Variants in MRPS14 observed in about 807,000 individuals in gnomAD.
The protein encoded by MRPS14 is small ribosomal subunit protein uS14m.
Under a neutral mutation model 16.4 loss-of-function variants are expected in MRPS14, and 14 were observed. The observed-to-expected ratio is 0.85, with a 90% CI of 0.56 to 1.33. MRPS14 has a LOEUF of 1.33. Ranked by LOEUF, MRPS14 falls within the 40% of genes most tolerant of loss-of-function variation. MRPS14 has a pLI of 0.00. For synonymous variants in MRPS14, 54 were observed against 61.9 expected (o/e 0.87, Z 0.60); for missense variants, 162 against 176.8 (o/e 0.92, Z 0.48).
At position 175,018,414 on chromosome 1, in the gene MRPS14, T is replaced by G; in HGVS notation, c.204+4A>C. ...TACAAAGGGACTCATCTTAATTAGC[T>G]AACCTGAAGAATTTTTGGCAAAATG... On this transcript the variant is annotated splice_donor_region_variant and intron_variant, in intron 2 of 2. Coordinates refer to ENST00000476371, the MANE Select transcript of MRPS14 (RefSeq NM_022100.3). The G allele has an allele frequency of 6.3e-7, 1 of 1,593,940 alleles. No individual in the cohort carries two copies. Among genetic ancestry groups the G allele is most frequent in the Non-Finnish European group, 8.5e-7 (1 of 1,171,764 alleles).
At chr1:175,020,901 T>A (rs1343850728) in intron 1 of MRPS14, among the ~76,000 whole-genome samples, 1 of 152,216 alleles carries the variant, frequency 6.6e-6, no homozygotes, top group Non-Finnish European at 1.5e-5. Context: ...TCTGTACACA[T>A]CTTATCCTGC....
At chr1:175,014,999 G>A in intron 2 of MRPS14, 148 bp from the exon 3 acceptor site, 1 of 756,806 alleles carries the variant, frequency 1.3e-6, no homozygotes, top group Non-Finnish European at 2.0e-6. Flanking sequence ...GTGTTAGATT[G>A]TGCAATGTCA....
At chr1:175,021,064 T>G (rs970485110) in intron 1 of MRPS14, among the ~76,000 whole-genome samples, 4 of 152,198 alleles carry the variant, frequency 2.6e-5, no homozygotes, top group Non-Finnish European at 4.4e-5. Flanking sequence ...CTCACAGCTT[T>G]TCCTGTAGCT....
intron 2 of MRPS14, among the ~76,000 whole-genome samples, chr1:175,016,957 C>T (rs906047119): frequency 2.0e-5 from 3 of 152,234 alleles, no homozygotes; most frequent in Non-Finnish European, 2.9e-5. Flanking sequence ...TCCCCCTGCC[C>T]GCCATACCCC....
intron 2 of MRPS14, among the ~76,000 whole-genome samples, chr1:175,017,274 G>A (rs1260083388): frequency 6.6e-6 from 1 of 152,092 alleles, no homozygotes; most frequent in African/African-American, 2.4e-5. Context: ...TTGAACTCCT[G>A]ACCTCAGGTG....
At chr1:175,017,865 C>T (rs1188741116) in intron 2 of MRPS14, among the ~76,000 whole-genome samples, 1 of 152,178 alleles carries the variant, frequency 6.6e-6, no homozygotes, top group African/African-American at 2.4e-5. Flanking sequence ...GTGGCTCACA[C>T]CTGTAATCCC....
intron 1 of MRPS14, 54 bp downstream of exon 1, chr1:175,023,310 G>T (rs1304902915): frequency 1.2e-6 from 2 of 1,602,016 alleles, no homozygotes; most frequent in African/African-American, 1.3e-5. Context: ...GGACCCGTGG[G>T]TTATGAGATT....
At chr1:175,023,191 G>T in intron 1 of MRPS14, 173 bp downstream of exon 1, 1 of 1,481,034 alleles carries the variant, frequency 6.8e-7, no homozygotes, top group Non-Finnish European at 9.0e-7. Context: ...AAACCAAATT[G>T]ACATCTGCAG....
At position 175,014,933 on chromosome 1, in the gene MRPS14, C is replaced by CTTT. The variant is rs368085151; in HGVS notation, c.205-85_205-83dup. The stretch of plus-strand genomic sequence containing the variant: ...CTCCTTCTCACTTGCAGGTAATTTT[C>CTTT]TTTTCTTTTTTTTTTTTTTTTGAGA... On this transcript the variant is annotated intron_variant, in intron 2 of 2. Transcript: ENST00000476371. 4.2e-4 allele frequency: 322 copies of CTTT among 767,752 alleles called. 1 individual carries two copies. Among genetic ancestry groups the CTTT allele is most frequent in the Admixed American group, 5.9e-4 (15 of 25,588 alleles). 47.6% of individuals were successfully genotyped at this position (767,752 alleles called of 1,614,324 possible).
chr1:175,015,101 CCA>C (rs1329945789), intron 2 of MRPS14, among the ~76,000 whole-genome samples: 1 of 151,930 alleles, frequency 6.6e-6, no homozygotes, highest in African/African-American at 2.4e-5. Context: ...GTGTGCACTA[CCA>C]CACTCAGCTA....
At position 175,013,667 on chromosome 1, in the gene MRPS14, GTA is replaced by G. The variant is rs1672825277; in HGVS notation, c.*1000_*1001del. 2 of 152,138 alleles carry G rather than the reference GTA, an allele frequency of 1.3e-5. No homozygotes were observed. The highest frequency in any genetic ancestry group is 2.9e-5 in the Non-Finnish European group (2 of 68,042). The allele number at this position is 152,138 out of a possible 1,614,324, so 9.4% of individuals were successfully genotyped here. A position where few individuals can be genotyped will look rare whatever the true frequency, so the allele number is the denominator to read the frequency against. ...ATGTCATTCCTGTGCTTAAAACTCTGTAATACCTGGTATGTCAGTCTTAATTC... is the reference window on the plus strand; with the variant it reads ...ATGTCATTCCTGTGCTTAAAACTCTGATACCTGGTATGTCAGTCTTAATTC... On this transcript the variant is annotated 3_prime_UTR_variant, in exon 3 of 3. Coordinates refer to ENST00000476371, the MANE Select transcript of MRPS14 (RefSeq NM_022100.3).
chr1:175,018,159 C>A (rs1439364957), intron 2 of MRPS14, among the ~76,000 whole-genome samples: 1 of 151,914 alleles, frequency 6.6e-6, no homozygotes, highest in African/African-American at 2.4e-5. Context: ...CAGGGAGAGA[C>A]CTTAGGTGAA....
chr1:175,023,315 G>C, intron 1 of MRPS14, 49 bp downstream of exon 1: 1 of 1,604,688 alleles, frequency 6.2e-7, no homozygotes. Flanking sequence ...CGTGGGTTAT[G>C]AGATTCAGCG....
chr1:175,018,376 A>T, intron 2 of MRPS14, 42 bp downstream of exon 2: 1 of 1,526,596 alleles, frequency 6.6e-7, no homozygotes, highest in Non-Finnish European at 8.8e-7. Flanking sequence ...ATGTTGAGTT[A>T]ATGATCTTGT....
chr1:175,023,348 A>G lies in MRPS14; in HGVS notation c.45+16T>C. The G allele has an allele frequency of 6.2e-7, 1 of 1,613,794 alleles. No individual in the cohort carries two copies. The highest frequency in any genetic ancestry group is 8.5e-7 in the Non-Finnish European group (1 of 1,179,896). ...GCGGTGAGGGGTAGCGGTGTGGATA[A>G]AAGTAGAGGCCTGACCTGCTTGAAC... is the stretch of plus-strand genomic sequence containing the variant. On this transcript the variant is annotated intron_variant, in intron 1 of 2. Transcript: ENST00000476371.
intron 2 of MRPS14, among the ~76,000 whole-genome samples, chr1:175,018,007 C>G (rs997025119): frequency 3.9e-5 from 6 of 151,984 alleles, no homozygotes; most frequent in Non-Finnish European, 8.8e-5. Context: ...GCCTGTAATC[C>G]CAGTTACTCA....
intron 2 of MRPS14, among the ~76,000 whole-genome samples, 175 bp downstream of exon 2, chr1:175,018,243 T>C (rs544813890): frequency 2.2e-4 from 33 of 152,266 alleles, no homozygotes; most frequent in Admixed American, 7.2e-4. Context: ...TAGGAGTGAA[T>C]AGTCTTTAAT....
rs182799719 is a variant in MRPS14 at position 175,015,942 on chromosome 1, A to G, written c.205-1091T>C. 9.8e-5 allele frequency among the ~76,000 whole-genome samples: 15 copies of G among 152,366 alleles called. No homozygotes were observed. The East Asian group carries it at 2.7e-3, about 27-fold the overall frequency. ...GCCAGGCACAGTGGCTCACGCCTATAATCCCAGCACTTTGGGACGCCGAGG... is the reference window on the plus strand; with the variant it reads ...GCCAGGCACAGTGGCTCACGCCTATGATCCCAGCACTTTGGGACGCCGAGG... On this transcript the variant is annotated intron_variant, in intron 2 of 2. Transcript: ENST00000476371.
chr1:175,014,551 G>C lies in MRPS14; in HGVS notation c.*118C>G. On this transcript the variant is annotated 3_prime_UTR_variant, in exon 3 of 3. Transcript: ENST00000476371. ...GTAGTTTAGAGATAGCATCAGGTAG[G>C]CCAAACAACTGTACTGGGCCCCTGT... 2.0e-6 allele frequency: 2 copies of C among 984,234 alleles called. No homozygotes were observed. The highest frequency in any genetic ancestry group is 2.9e-6 in the Non-Finnish European group (2 of 690,638). The allele number at this position is 984,234 out of a possible 1,614,324, so 61.0% of individuals were successfully genotyped here.
Sources: allele counts gnomAD v4.1 joint callset (sites outside exome capture counted in the v4.1 genomes callset), GRCh38; gene constraint gnomAD v4.1.1; transcripts MANE v1.5; gene names NCBI Gene and HGNC (gene_info 2026-07-23, HGNC 2026-07-21).